Variants in PDE1C observed in about 807,000 individuals in gnomAD.
The protein encoded by PDE1C is phosphodiesterase 1C.
In PDE1C, 62 loss-of-function variants were observed where a neutral mutation model predicts 93.1. That is an observed-to-expected ratio of 0.67 (90% CI 0.54 to 0.82). PDE1C has a LOEUF of 0.82. Among genes scored for constraint, PDE1C ranks in the 40% least tolerant of loss-of-function variants. The pLI is 0.00. For synonymous variants in PDE1C, 325 were observed against 310.1 expected (o/e 1.05, Z -0.50); for missense variants, 742 against 884.6 (o/e 0.84, Z 2.04).
At chr7:32,296,597 G>A in intron 1 of PDE1C, among the ~76,000 whole-genome samples, 1 of 152,172 alleles carries the variant, frequency 6.6e-6, no homozygotes, top group East Asian at 1.9e-4. Flanking sequence ...CTGACCACCA[G>A]ACCATACCAA....
rs183820645 is a variant in PDE1C at position 32,166,474 on chromosome 7, C to G, written c.308+3311G>C. 4.1e-4 allele frequency among the ~76,000 whole-genome samples: 62 copies of G among 152,266 alleles called. 1 individual carries two copies. The highest frequency in any genetic ancestry group is 1.3e-3 in the African/African-American group (56 of 41,562). Reference sequence around the variant, plus strand: ...CTGGAAGCATGCTCCCAAGACTCTGCTAAACTGTCTGCTCCAATACATAGA... The same window carrying G: ...CTGGAAGCATGCTCCCAAGACTCTGGTAAACTGTCTGCTCCAATACATAGA... On this transcript the variant is annotated intron_variant, in intron 3 of 18. Coordinates refer to the PDE1C transcript ENST00000396193.
At chr7:31,663,763 A>G in the PDE1C span, among the ~76,000 whole-genome samples, 1 of 152,194 alleles carries the variant, frequency 6.6e-6, no homozygotes, top group Non-Finnish European at 1.5e-5. Flanking sequence ...AACTGCTGAC[A>G]CTTGCTTACC....
At chr7:32,386,887 T>TA (rs1784637599) in intron 1 of PDE1C, among the ~76,000 whole-genome samples, 1 of 152,104 alleles carries the variant, frequency 6.6e-6, no homozygotes. Context: ...ATTTTTATTT[T>TA]TTTTTTTATT....
At chr7:31,735,688 C>A in the PDE1C span, among the ~76,000 whole-genome samples, 1 of 152,208 alleles carries the variant, frequency 6.6e-6, no homozygotes, top group Admixed American at 6.5e-5. Context: ...AATAGAATGT[C>A]TGCTCCTGAG....
chr7:31,988,784 C>G (rs577170292), intron 2 of PDE1C, among the ~76,000 whole-genome samples: 1 of 152,008 alleles, frequency 6.6e-6, no homozygotes, highest in African/African-American at 2.4e-5. Context: ...ATCATGAGGT[C>G]AGGAGATTGA....
chr7:31,660,445 A>G, the PDE1C span, among the ~76,000 whole-genome samples: 5 of 152,124 alleles, frequency 3.3e-5, no homozygotes, highest in Non-Finnish European at 5.9e-5. Context: ...TTAAATCACT[A>G]CCAAGAAAGG....
At chr7:32,010,291 T>C (rs1331824115) in intron 2 of PDE1C, among the ~76,000 whole-genome samples, 1 of 152,202 alleles carries the variant, frequency 6.6e-6, no homozygotes, top group Non-Finnish European at 1.5e-5. Flanking sequence ...AGCATCAAGA[T>C]AGACAAATAG....
At chr7:32,217,230 T>C (rs192838280) in intron 1 of PDE1C, among the ~76,000 whole-genome samples, 164 of 152,282 alleles carry the variant, frequency 1.1e-3, no homozygotes, top group Admixed American at 4.2e-3. Context: ...CCAGTACAAC[T>C]CACAAAAACA....
chr7:32,307,502 G>A (rs1237614415), intron 1 of PDE1C, among the ~76,000 whole-genome samples: 2 of 152,152 alleles, frequency 1.3e-5, no homozygotes, highest in Non-Finnish European at 2.9e-5. Context: ...AATGAAGTTA[G>A]GAAAGAAAAG....
intron 3 of PDE1C, among the ~76,000 whole-genome samples, chr7:32,089,850 C>G (rs982109093): frequency 2.0e-5 from 3 of 152,232 alleles, no homozygotes; most frequent in African/African-American, 7.2e-5. Flanking sequence ...CTCTCTATCA[C>G]CACAATCCAT....
intron 1 of PDE1C, among the ~76,000 whole-genome samples, chr7:32,338,654 A>C (rs215666): frequency 0.95 from 145,071 of 152,176 alleles, 69,341 homozygotes; most frequent in East Asian, 1. Flanking sequence ...ATAATTGAAC[A>C]CAGCGTCTCA....
At position 31,777,030 on chromosome 7, in the gene PDE1C, T is replaced by C. The variant is rs532963853; in HGVS notation, c.1892-1298A>G. On this transcript the variant is annotated intron_variant, in intron 16 of 17. Transcript: ENST00000396191. ...GGGGGAGGGATAGCATTAGGAGATA[T>C]ACCTAATGTTAAATGACCAGTTAAT... 2.0e-5 allele frequency among the ~76,000 whole-genome samples: 3 copies of C among 147,550 alleles called. No homozygotes were observed. The East Asian group carries it at 6.3e-4, about 31-fold the overall frequency.
chr7:32,081,395 G>A (rs1796653422), intron 3 of PDE1C, among the ~76,000 whole-genome samples: 1 of 152,050 alleles, frequency 6.6e-6, no homozygotes, highest in South Asian at 2.1e-4. Flanking sequence ...CCCTACCTAG[G>A]CATAAAGAGC....
chr7:32,324,864 G>A (rs1030543172), intron 1 of PDE1C, among the ~76,000 whole-genome samples: 2 of 152,152 alleles, frequency 1.3e-5, no homozygotes, highest in Non-Finnish European at 2.9e-5. Context: ...TGGGAGGATC[G>A]CTTGAACCTG....
At chr7:32,388,743 AT>A (rs1026901883) in intron 1 of PDE1C, among the ~76,000 whole-genome samples, 21 of 151,148 alleles carry the variant, frequency 1.4e-4, no homozygotes, top group Non-Finnish European at 3.1e-4. Flanking sequence ...TACAGTGTAT[AT>A]TTTTTAACCT....
intron 2 of PDE1C, among the ~76,000 whole-genome samples, chr7:32,205,409 A>G (rs1805359399): frequency 6.6e-6 from 1 of 152,206 alleles, no homozygotes. Flanking sequence ...AGGATTGTAA[A>G]TGCACCAATC....
At chr7:31,844,531 C>T (rs976111975) in intron 9 of PDE1C, among the ~76,000 whole-genome samples, 1 of 151,870 alleles carries the variant, frequency 6.6e-6, no homozygotes, top group Non-Finnish European at 1.5e-5. Flanking sequence ...TGTGATTCAA[C>T]TTGTTCTCCT....
chr7:31,888,207 G>A lies in PDE1C; in HGVS notation c.129-7347C>T, dbSNP rs370678202. ...AGAGCTTGCAGTGAGCCGAGATTGT[G>A]CCACTGCACTCCAGCCTGGGTGACA... On this transcript the variant is annotated intron_variant, in intron 2 of 17. Transcript: ENST00000396191. Among the ~76,000 whole-genome samples, 22 of 126,776 alleles carry A rather than the reference G, an allele frequency of 1.7e-4. No individual in the cohort carries two copies. In the East Asian group the frequency reaches 3.5e-3, roughly 20 times the overall value. 83.2% of individuals were successfully genotyped at this position (126,776 alleles called of 152,430 possible). A position where few individuals can be genotyped will look rare whatever the true frequency, so the allele number is the denominator to read the frequency against.
intron 1 of PDE1C, among the ~76,000 whole-genome samples, chr7:32,389,270 C>T (rs1400025392): frequency 2.6e-5 from 4 of 151,322 alleles, no homozygotes; most frequent in African/African-American, 7.3e-5. Flanking sequence ...GGTTGGAGTA[C>T]ATTGGTGCAA....
Sources: allele counts gnomAD v4.1 joint callset (sites outside exome capture counted in the v4.1 genomes callset), GRCh38; gene constraint gnomAD v4.1.1; transcripts MANE v1.5; gene names NCBI Gene and HGNC (gene_info 2026-07-23, HGNC 2026-07-21).